The following LRRC8C variants were observed in gnomAD, a reference collection of about 807,000 sequenced individuals.
The protein encoded by LRRC8C is leucine rich repeat containing 8 VRAC subunit C.
In LRRC8C, 20 loss-of-function variants were observed where a neutral mutation model predicts 55.3. That is an observed-to-expected ratio of 0.36 (90% CI 0.25 to 0.53). The LOEUF is 0.53. Ranked by LOEUF, LRRC8C falls within the 20% of genes least tolerant of loss-of-function variation. The pLI is 0.92. For synonymous variants in LRRC8C, 376 were observed against 360.7 expected, an observed-to-expected ratio of 1.04 and a Z score of -0.48; for missense variants, 659 against 951.4, an observed-to-expected ratio of 0.69 and a Z score of 4.04.
chr1:89,689,646 A>G (rs993288643), intron 2 of LRRC8C, among the ~76,000 whole-genome samples: 7 of 152,070 alleles, frequency 4.6e-5, no homozygotes, highest in African/African-American at 1.4e-4. Flanking sequence ...AATACAAGAG[A>G]AAAAGAGAAA....
rs183480600 is a variant in LRRC8C, at chr1:89,688,912, T to C, written c.138+2301T>C. Among the ~76,000 whole-genome samples the C allele has an allele frequency of 7.9e-5, 12 of 152,296 alleles. No individual in the cohort carries two copies. In the East Asian group the frequency reaches 2.3e-3, roughly 29 times the overall value. On this transcript the variant is annotated intron_variant, in intron 2 of 2. Transcript: ENST00000370454. ...CCTTGACACATCAAAGATTGATCTA[T>C]TGAGTTACTAGAGATATTGGTTCCT...
intron 1 of LRRC8C, among the ~76,000 whole-genome samples, chr1:89,659,103 G>GTGTA (rs1657044184): frequency 1.5e-5 from 2 of 133,322 alleles, no homozygotes; most frequent in Non-Finnish European, 3.1e-5. Context: ...GTGTGTGTGT[G>GTGTA]TGTGTCTGTG....
intron 1 of LRRC8C, among the ~76,000 whole-genome samples, chr1:89,680,511 T>C (rs1014941602): frequency 1.3e-5 from 2 of 150,826 alleles, no homozygotes; most frequent in Non-Finnish European, 3.0e-5. Context: ...ATATTTGAAT[T>C]GGTAGTTGAT....
At chr1:89,620,218 T>C in the LRRC8C span, among the ~76,000 whole-genome samples, 4 of 152,188 alleles carry the variant, frequency 2.6e-5, no homozygotes, top group East Asian at 7.7e-4. Context: ...CCATTCATGA[T>C]GCTGGAAATC....
At chr1:89,701,480 CAAA>C (rs398053212) in intron 2 of LRRC8C, among the ~76,000 whole-genome samples, 2 of 122,448 alleles carry the variant, frequency 1.6e-5, no homozygotes. Flanking sequence ...GACTCCATCT[CAAA>C]AAAAAAAAAA....
chr1:89,702,420 A>G (rs1658358075), intron 2 of LRRC8C, among the ~76,000 whole-genome samples: 1 of 152,172 alleles, frequency 6.6e-6, no homozygotes, highest in African/African-American at 2.4e-5. Context: ...GAGAGTGGTT[A>G]AAAAGATCAA....
At chr1:89,622,490 T>G in the LRRC8C span, among the ~76,000 whole-genome samples, 1 of 151,852 alleles carries the variant, frequency 6.6e-6, no homozygotes, top group Non-Finnish European at 1.5e-5. Context: ...CCGCCAACAC[T>G]CCTGGCTAAT....
chr1:89,675,502 C>T (rs1000069174), intron 1 of LRRC8C, among the ~76,000 whole-genome samples: 3 of 152,228 alleles, frequency 2.0e-5, no homozygotes, highest in African/African-American at 7.2e-5. Flanking sequence ...TGCTTAGAAC[C>T]CTGTGCCCTC....
chr1:89,651,953 C>A (rs1656797184), intron 1 of LRRC8C, among the ~76,000 whole-genome samples: 1 of 152,136 alleles, frequency 6.6e-6, no homozygotes, highest in South Asian at 2.1e-4. Flanking sequence ...TCATGAGAAT[C>A]AATTACAGAA....
intron 1 of LRRC8C, among the ~76,000 whole-genome samples, chr1:89,638,842 A>G (rs888854574): frequency 7.9e-5 from 12 of 152,010 alleles, no homozygotes; most frequent in African/African-American, 2.9e-4. Flanking sequence ...CATCCTTTAT[A>G]TATTTCTGTT....
At position 89,714,282 on chromosome 1, in the gene LRRC8C, G is replaced by A. The variant is rs1658746127; in HGVS notation, c.1712G>A (p.Cys571Tyr). 1.9e-6 allele frequency: 3 copies of A among 1,614,108 alleles called. No homozygotes were observed. The highest frequency in any genetic ancestry group is 4.5e-5 in the East Asian group (2 of 44,876). Residue 571 changes from cysteine (C) to tyrosine (Y), a missense_variant, in exon 3 of 3, where the codon TGC (cysteine) becomes TAC (tyrosine). By Grantham distance (194) the Cys-to-Tyr change is radical. This residue lies in a region of LRRC8C where 344 missense variants were observed against 464.6 expected (regional missense o/e 0.74). Coordinates refer to ENST00000370454, the MANE Select transcript of LRRC8C (RefSeq NM_032270.5). This position sits in a 1 kb window ranked among gnomAD's most constrained non-coding sequence, Gnocchi z 4.6. ...GTTTCCAGCCATCTCCAGAAGATGT[G>A]CATACATAATGATGGCACCAAGCTG... ...VDVSSHLQKMCIHNDGTKLVM... is the reference protein window; with the variant it reads ...VDVSSHLQKMYIHNDGTKLVM...
intron 1 of LRRC8C, among the ~76,000 whole-genome samples, chr1:89,678,158 A>G (rs1472062205): frequency 1.3e-5 from 2 of 152,252 alleles, no homozygotes; most frequent in East Asian, 1.9e-4. Context: ...TCCTACCATG[A>G]CAGTGTCAGA....
chr1:89,703,414 T>A (rs1329167342), intron 2 of LRRC8C, among the ~76,000 whole-genome samples: 1 of 152,132 alleles, frequency 6.6e-6, no homozygotes, highest in Admixed American at 6.5e-5. Context: ...ATCCACAGAC[T>A]TTTATTAAGA....
At chr1:89,678,699 T>TTA (rs1553166155) in intron 1 of LRRC8C, among the ~76,000 whole-genome samples, 3 of 131,470 alleles carry the variant, frequency 2.3e-5, no homozygotes, top group African/African-American at 8.8e-5. Context: ...AAATTCTGTC[T>TTA]AAAAAAAAAA....
chr1:89,706,163 A>G (rs559031434), intron 2 of LRRC8C: 15 of 344,470 alleles, frequency 4.4e-5, no homozygotes, highest in East Asian at 3.3e-4. Flanking sequence ...TGGTATCCCA[A>G]ATATAACAAC....
chr1:89,705,220 C>T (rs1398949348), intron 2 of LRRC8C, among the ~76,000 whole-genome samples: 1 of 132,872 alleles, frequency 7.5e-6, no homozygotes, highest in Non-Finnish European at 1.5e-5. Context: ...GGGAATTGAA[C>T]AGTGAGAACA....
At chr1:89,685,101 C>CTTTTTTTTT (rs11316114) in intron 1 of LRRC8C, among the ~76,000 whole-genome samples, 4 of 76,164 alleles carry the variant, frequency 5.3e-5, no homozygotes, top group Admixed American at 2.0e-4. Context: ...CTATCTAGTT[C>CTTTTTTTTT]TTTTTTTTTT....
At chr1:89,655,299 A>G (rs1261586130) in intron 1 of LRRC8C, among the ~76,000 whole-genome samples, 5 of 151,862 alleles carry the variant, frequency 3.3e-5, no homozygotes, top group Non-Finnish European at 5.9e-5. Context: ...ATCTCTTGCT[A>G]GCTCTCTGAG....
intron 2 of LRRC8C, among the ~76,000 whole-genome samples, chr1:89,687,653 A>G (rs530733870): frequency 2.6e-5 from 4 of 152,328 alleles, no homozygotes; most frequent in African/African-American, 4.8e-5. Context: ...GGAGAGAGGC[A>G]TAGGTCAGAA....
Sources: allele counts gnomAD v4.1 joint callset (sites outside exome capture counted in the v4.1 genomes callset), GRCh38; gene constraint gnomAD v4.1.1; regional missense constraint gnomAD v4.1.1; non-coding constraint Gnocchi (gnomAD v3.1); transcripts MANE v1.5; gene names NCBI Gene and HGNC (gene_info 2026-07-23, HGNC 2026-07-21).